WASF3: variants seen among roughly 807,000 people sequenced by gnomAD.
WASF3 encodes actin-binding protein WASF3.
Under a neutral mutation model 46.6 loss-of-function variants are expected in WASF3, and 11 were observed. The observed-to-expected ratio is 0.24, with a 90% CI of 0.15 to 0.39. The LOEUF (loss-of-function observed/expected upper bound fraction) is 0.39, where lower values mean the gene tolerates loss of function less well. Ranked by LOEUF, WASF3 falls within the 10% of genes least tolerant of loss-of-function variation. WASF3 has a pLI of 1.00. For synonymous variants in WASF3, 242 were observed against 259.7 expected (o/e 0.93, Z 0.65); for missense variants, 576 against 669.8 (o/e 0.86, Z 1.55).
chr13:26,628,143 G>A (rs997801863), intron 2 of WASF3, among the ~76,000 whole-genome samples: 6 of 152,170 alleles, frequency 3.9e-5, no homozygotes, highest in Admixed American at 1.3e-4. Flanking sequence ...GTCAAATCCC[G>A]TAAAAGTTGG....
At chr13:26,661,794 ATAG>A (rs553852123) in intron 3 of WASF3, among the ~76,000 whole-genome samples, 514 of 152,304 alleles carry the variant, frequency 3.4e-3, no homozygotes, top group Non-Finnish European at 6.1e-3. Flanking sequence ...TGTTTTTTAA[ATAG>A]TAGCATCCTA....
At position 26,621,369 on chromosome 13, in the gene WASF3, C is replaced by T. The variant is rs920721167; in HGVS notation, c.-11+8311C>T. ...AATCTGATATGGTAGTTTCTGAAAG[C>T]CAGCTGAATGTCTAACTGAAAAGGA... On this transcript the variant is annotated intron_variant, in intron 2 of 9. Transcript: ENST00000335327. 1.1e-3 allele frequency among the ~76,000 whole-genome samples: 164 copies of T among 152,268 alleles called. 1 individual carries two copies. Among genetic ancestry groups the T allele is most frequent in the Admixed American group, 7.6e-3 (116 of 15,290 alleles).
chr13:26,685,700 A>G lies in WASF3; in HGVS notation c.1364A>G (p.Lys455Arg). 6.2e-7 allele frequency: 1 copy of G among 1,614,164 alleles called. No individual in the cohort carries two copies. Residue 455 changes from lysine (K) to arginine (R), a missense_variant, in exon 10 of 10, where the codon AAA (lysine) becomes AGA (arginine). Coordinates refer to ENST00000335327, the MANE Select transcript of WASF3 (RefSeq NM_006646.6). ...GTTGTGTCTGCAGGAATTCAACTGA[A>G]AAAGGTGCAGGAGCAGCGGGAGCAG... The part of the protein sequence containing the change: ...LAAIRMGIQL[K>R]KVQEQREQEA...
chr13:26,620,253 T>C (rs1881265943), intron 2 of WASF3, among the ~76,000 whole-genome samples: 2 of 152,170 alleles, frequency 1.3e-5, no homozygotes, highest in Admixed American at 6.5e-5. Context: ...GGGTTAATAA[T>C]GTGCATCAGA....
chr13:26,539,557 T>C, the WASF3 span, among the ~76,000 whole-genome samples: 3 of 152,144 alleles, frequency 2.0e-5, no homozygotes, highest in African/African-American at 7.2e-5. Flanking sequence ...AAGTCATCTC[T>C]GAAAGTGGGA....
chr13:26,577,295 C>T (rs1418827883), intron 1 of WASF3: 2 of 746,074 alleles, frequency 2.7e-6, no homozygotes, highest in Non-Finnish European at 4.9e-6. Flanking sequence ...TTTGTCTGTT[C>T]TGTGTTGGTT....
intron 3 of WASF3, among the ~76,000 whole-genome samples, chr13:26,663,894 T>C (rs970921654): frequency 8.5e-5 from 13 of 152,206 alleles, no homozygotes; most frequent in African/African-American, 2.4e-4. Flanking sequence ...ATTTCTGCCA[T>C]GTACTAGCCA....
At chr13:26,554,074 T>TCCCTCCCTCCCTC (rs1879033135), upstream of WASF3, among the ~76,000 whole-genome samples, 1 of 105,060 alleles carries the variant, frequency 9.5e-6, no homozygotes, top group African/African-American at 4.0e-5. Flanking sequence ...CTTCCTTCCT[T>TCCCTCCCTCCCTC]CCTTCCTTCC....
At chr13:26,586,864 T>G (rs376414172) in intron 1 of WASF3, among the ~76,000 whole-genome samples, 3 of 152,206 alleles carry the variant, frequency 2.0e-5, no homozygotes, top group African/African-American at 7.2e-5. Flanking sequence ...GGTTTCTATA[T>G]TCTCATCACT....
At chr13:26,683,763 CT>C (rs1305253547) in intron 9 of WASF3, among the ~76,000 whole-genome samples, 1 of 152,190 alleles carries the variant, frequency 6.6e-6, no homozygotes, top group Non-Finnish European at 1.5e-5. Context: ...CGTTGACCCC[CT>C]GACCACAAAA....
At chr13:26,658,745 G>C (rs1191643211) in intron 3 of WASF3, among the ~76,000 whole-genome samples, 1 of 152,206 alleles carries the variant, frequency 6.6e-6, no homozygotes, top group Non-Finnish European at 1.5e-5. Flanking sequence ...CTAGAGCTTA[G>C]ATGAATGAAG....
At chr13:26,539,259 T>C in the WASF3 span, among the ~76,000 whole-genome samples, 99 of 151,934 alleles carry the variant, frequency 6.5e-4, no homozygotes, top group African/African-American at 2.3e-3. Context: ...AGCATGAGGG[T>C]GGTTGACCAA....
At chr13:26,549,515 T>C in the WASF3 span, among the ~76,000 whole-genome samples, 1 of 152,116 alleles carries the variant, frequency 6.6e-6, no homozygotes, top group East Asian at 1.9e-4. Context: ...GATCACAACG[T>C]TGAGTAAAAC....
At chr13:26,598,868 A>G (rs1880556877) in intron 1 of WASF3, among the ~76,000 whole-genome samples, 1 of 151,590 alleles carries the variant, frequency 6.6e-6, no homozygotes. Flanking sequence ...TTTTAATTTT[A>G]TTTATTATTA....
intron 1 of WASF3, among the ~76,000 whole-genome samples, chr13:26,573,421 C>T (rs1879698432): frequency 6.6e-6 from 1 of 151,908 alleles, no homozygotes; most frequent in Non-Finnish European, 1.5e-5. Context: ...TTTTTAAGTG[C>T]ACAGTTCATT....
rs1485898857 is a variant in WASF3, at chr13:26,687,616, A to G, written c.*1771A>G. 6.6e-6 allele frequency: 1 copy of G among 152,022 alleles called. No individual in the cohort carries two copies. Among genetic ancestry groups the G allele is most frequent in the Non-Finnish European group, 1.5e-5 (1 of 68,018 alleles). 9.4% of individuals were successfully genotyped at this position (152,022 alleles called of 1,614,324 possible). ...CCCAGGTGCTGGGAGCGTCCTCTTCAGCGTCTTTTCCTAGAGCTGGTCACC... is the reference window on the plus strand; with the variant it reads ...CCCAGGTGCTGGGAGCGTCCTCTTCGGCGTCTTTTCCTAGAGCTGGTCACC... On this transcript the variant is annotated 3_prime_UTR_variant, in exon 10 of 10. Coordinates refer to ENST00000335327, the MANE Select transcript of WASF3 (RefSeq NM_006646.6).
the WASF3 span, among the ~76,000 whole-genome samples, chr13:26,542,630 A>G: frequency 6.6e-6 from 1 of 152,226 alleles, no homozygotes; most frequent in Non-Finnish European, 1.5e-5. Flanking sequence ...TCTGTCAGTG[A>G]GAAGTGGTTA....
chr13:26,584,110 C>G (rs1007503932), intron 1 of WASF3, among the ~76,000 whole-genome samples: 5 of 152,206 alleles, frequency 3.3e-5, no homozygotes, highest in African/African-American at 1.2e-4. Flanking sequence ...AAACAAGCAT[C>G]TAACAAAGAC....
the WASF3 span, among the ~76,000 whole-genome samples, chr13:26,549,598 T>A: frequency 1.3e-5 from 2 of 152,160 alleles, no homozygotes; most frequent in Admixed American, 1.3e-4. Context: ...CTTGGATTTG[T>A]AAAAATAAAA....
Sources: allele counts gnomAD v4.1 joint callset (sites outside exome capture counted in the v4.1 genomes callset), GRCh38; gene constraint gnomAD v4.1.1; transcripts MANE v1.5; gene names NCBI Gene and HGNC (gene_info 2026-07-23, HGNC 2026-07-21).